The following SLC25A20 variants were observed in gnomAD, a reference collection of about 807,000 sequenced individuals.
SLC25A20 encodes the protein mitochondrial carnitine/acylcarnitine carrier protein.
A neutral mutation model predicts 39.7 loss-of-function variants in SLC25A20; 29 were observed. The ratio of observed to expected loss-of-function variants is 0.73; its 90% CI spans 0.54 to 1.00. The LOEUF is 1.00. Among genes scored for constraint, SLC25A20 ranks in the 50% least tolerant of loss-of-function variants. SLC25A20 has a pLI of 0.00. For missense variants in SLC25A20, 333 were observed against 379.9 expected, an observed-to-expected ratio of 0.88 and a Z score of 1.03; for synonymous variants, 103 against 142.2, an observed-to-expected ratio of 0.72 and a Z score of 1.96.
chr3:48,874,826 C>G (rs1326258853), intron 4 of SLC25A20, among the ~76,000 whole-genome samples: 1 of 151,882 alleles, frequency 6.6e-6, no homozygotes, highest in Admixed American at 6.6e-5. Flanking sequence ...GCAGGAGGAT[C>G]ACTTAAGGTC....
intron 4 of SLC25A20, among the ~76,000 whole-genome samples, chr3:48,874,943 C>T (rs915644299): frequency 6.7e-6 from 1 of 149,718 alleles, no homozygotes; most frequent in Non-Finnish European, 1.5e-5. Flanking sequence ...GGGTGCATGC[C>T]TGTAATCCCA....
chr3:48,883,618 C>CTTTTT (rs761695690), intron 3 of SLC25A20, among the ~76,000 whole-genome samples: 5 of 97,354 alleles, frequency 5.1e-5, no homozygotes, highest in African/African-American at 7.9e-5. Flanking sequence ...CACCAAGGTC[C>CTTTTT]TTTTTTTTTT....
At chr3:48,891,958 A>G (rs2083880976) in intron 2 of SLC25A20, 22 bp downstream of exon 2, 1 of 1,560,532 alleles carries the variant, frequency 6.4e-7, no homozygotes, top group African/African-American at 1.4e-5. Context: ...AGTAAGAGGA[A>G]TGCCCAGCAC....
At chr3:48,862,815 C>A (rs1157979070) in intron 4 of SLC25A20, among the ~76,000 whole-genome samples, 156 bp from the exon 5 acceptor site, 1 of 152,118 alleles carries the variant, frequency 6.6e-6, no homozygotes. Flanking sequence ...GATCTTGGGG[C>A]AGGTACTATG....
intron 4 of SLC25A20, among the ~76,000 whole-genome samples, chr3:48,878,023 G>A (rs1478463390): frequency 6.6e-6 from 1 of 152,016 alleles, no homozygotes; most frequent in East Asian, 1.9e-4. Context: ...AGAACTTTGG[G>A]AGGCTGAGGC....
At chr3:48,879,680 C>T (rs762098453) in intron 3 of SLC25A20, among the ~76,000 whole-genome samples, 6 of 152,218 alleles carry the variant, frequency 3.9e-5, no homozygotes, top group Non-Finnish European at 8.8e-5. Flanking sequence ...AGTCTGGCCA[C>T]AAGGCCCACC....
Position 48,857,286 on chromosome 3 carries a change from G to C in SLC25A20, c.*424C>G, listed in dbSNP as rs932449065. On this transcript the variant is annotated 3_prime_UTR_variant, in exon 9 of 9. Transcript: ENST00000319017. ...CCTGGAAATCAAATGGGTATTCCTG[G>C]CTAGGGACTGAAGAAGATCTCAGCT... 2 of 250,038 alleles carry C rather than the reference G, an allele frequency of 8.0e-6. No individual in the cohort carries two copies. The highest frequency in any genetic ancestry group is 4.5e-5 in the African/African-American group (2 of 44,610). The allele number at this position is 250,038 out of a possible 1,614,324, so 15.5% of individuals were successfully genotyped here. A position where few individuals can be genotyped will look rare whatever the true frequency, so the allele number is the denominator to read the frequency against.
chr3:48,876,963 G>A (rs927416732), intron 4 of SLC25A20, among the ~76,000 whole-genome samples: 1 of 151,990 alleles, frequency 6.6e-6, no homozygotes, highest in African/African-American at 2.4e-5. Flanking sequence ...AGGCGTGGTG[G>A]TGGGCGCCTG....
chr3:48,872,011 T>TA (rs2083719906), intron 4 of SLC25A20, among the ~76,000 whole-genome samples: 3 of 146,134 alleles, frequency 2.1e-5, no homozygotes, highest in East Asian at 2.0e-4. Flanking sequence ...TTTTTTTTTT[T>TA]AGAGATGGGG....
Position 48,863,564 on chromosome 3 carries a change from C to T in SLC25A20, c.418-905G>A, listed in dbSNP as rs148590923. Among the ~76,000 whole-genome samples the T allele has an allele frequency of 3.1e-3, 479 of 152,282 alleles. 5 individuals carry two copies. The highest frequency in any genetic ancestry group is 0.011 in the African/African-American group (455 of 41,564). On this transcript the variant is annotated intron_variant, in intron 4 of 8. Transcript: ENST00000319017. ...CCATGCAGGATCCACACAGGGATCC[C>T]GCTTGTTCAGGACCAAGAGGAGTCA...
intron 7 of SLC25A20, 150 bp from the exon 8 acceptor site, chr3:48,858,781 A>G: frequency 1.1e-6 from 1 of 916,724 alleles, no homozygotes; most frequent in East Asian, 2.5e-5. Context: ...GGACAAATGC[A>G]CAAATGCCTG....
intron 2 of SLC25A20, among the ~76,000 whole-genome samples, chr3:48,884,735 TACTC>T (rs927527355): frequency 1.3e-5 from 2 of 151,974 alleles, no homozygotes; most frequent in African/African-American, 4.8e-5. Flanking sequence ...TCTAGGGAAA[TACTC>T]AGAGGTGTAA....
intron 1 of SLC25A20, 109 bp from the exon 2 acceptor site, chr3:48,892,181 ATG>A: frequency 1.2e-6 from 1 of 826,208 alleles, no homozygotes; most frequent in African/African-American, 1.7e-5. Flanking sequence ...ACCCTTGTAC[ATG>A]TCTTTGGCAT....
At position 48,858,641 on chromosome 3, in the gene SLC25A20, A is replaced by G. The variant is rs769684089; in HGVS notation, c.719-10T>C. 2.2e-5 allele frequency: 35 copies of G among 1,614,052 alleles called. No individual in the cohort carries two copies. Among genetic ancestry groups the G allele is most frequent in the Non-Finnish European group, 2.8e-5 (33 of 1,180,032 alleles). On this transcript the variant is annotated splice_polypyrimidine_tract_variant and intron_variant, in intron 7 of 8. Transcript: ENST00000319017. ...TATTTCCCAGGAGGTGCTGTGGGGC[A>G]GAACCCAATTTTTAAGGCTTCAGGA...
rs1027085191 is a variant in SLC25A20 at position 48,889,397 on chromosome 3, A to G, written c.198+2583T>C. Among the ~76,000 whole-genome samples the G allele has an allele frequency of 4.0e-5, 6 of 151,618 alleles. No individual in the cohort carries two copies. In the South Asian group the frequency reaches 6.2e-4, roughly 16 times the overall value. On this transcript the variant is annotated intron_variant, in intron 2 of 8. Coordinates refer to ENST00000319017, the MANE Select transcript of SLC25A20 (RefSeq NM_000387.6). The stretch of plus-strand genomic sequence containing the variant: ...AGAGTGAGACCATGTCTCAAAATAT[A>G]TATATATAATAATAATAATAACTCC...
intron 2 of SLC25A20, among the ~76,000 whole-genome samples, chr3:48,890,390 C>A (rs912241251): frequency 1.3e-5 from 2 of 151,992 alleles, no homozygotes; most frequent in Admixed American, 1.3e-4. Flanking sequence ...GGGGTTTCAC[C>A]GTGTTAGCTA....
At chr3:48,883,535 G>A (rs2083809219) in intron 3 of SLC25A20, among the ~76,000 whole-genome samples, 2 of 139,850 alleles carry the variant, frequency 1.4e-5, no homozygotes, top group Admixed American at 7.2e-5. Context: ...TGGGCAAAAA[G>A]AGCAAAACTC....
intron 5 of SLC25A20, 86 bp from the exon 6 acceptor site, chr3:48,859,713 G>GCT: frequency 1.9e-6 from 2 of 1,056,476 alleles, no homozygotes; most frequent in Non-Finnish European, 3.0e-6. Flanking sequence ...CAGCAATTTA[G>GCT]GAGATTGAGG....
At chr3:48,858,478 G>A (rs758189924) in intron 8 of SLC25A20, 29 bp downstream of exon 8, 19 of 1,613,978 alleles carry the variant, frequency 1.2e-5, no homozygotes, top group Non-Finnish European at 1.5e-5. Context: ...GAGCCCCAGA[G>A]GGAAAGCACA....
Sources: allele counts gnomAD v4.1 joint callset (sites outside exome capture counted in the v4.1 genomes callset), GRCh38; gene constraint gnomAD v4.1.1; transcripts MANE v1.5; gene names NCBI Gene and HGNC (gene_info 2026-07-23, HGNC 2026-07-21).